The following MED13 variants were observed in gnomAD, a reference collection of about 807,000 sequenced individuals.
MED13 encodes mediator complex subunit 13, also known as mediator of RNA polymerase II transcription subunit 13.
MED13 carries 23 observed loss-of-function variants against 225.2 expected under a neutral mutation model. That is an observed-to-expected ratio of 0.10 (90% CI 0.07 to 0.14). The LOEUF (loss-of-function observed/expected upper bound fraction) is 0.14. Ranked by LOEUF, MED13 falls within the 10% of genes least tolerant of loss-of-function variation. The pLI, the probability that MED13 is intolerant of heterozygous loss-of-function variation, is 1.00. For synonymous variants in MED13, 942 were observed against 889.2 expected (o/e 1.06, Z -1.06); for missense variants, 2,197 against 2,594.5 (o/e 0.85, Z 3.33).
intron 8 of MED13, among the ~76,000 whole-genome samples, chr17:62,013,119 T>C (rs188594761): frequency 1.3e-5 from 2 of 151,938 alleles, no homozygotes; most frequent in East Asian, 3.9e-4. Flanking sequence ...GAGCCTGAGA[T>C]ATCTTATTGT....
rs778209278 is a variant in MED13 at position 61,965,394 on chromosome 17, A to T, written c.4456T>A (p.Ser1486Thr). The T allele has an allele frequency of 3.1e-6, 5 of 1,614,056 alleles. No individual in the cohort carries two copies. Among genetic ancestry groups the T allele is most frequent in the African/African-American group, 2.7e-5 (2 of 74,930 alleles). ...QPNLVAPTSQ[S>T]LITPPQMTNT... Reference sequence around the variant, plus strand: ...GTCATCTGAGGTGGAGTAATCAAAGACTGACTTGTAGGGGCAACTAAATTT... The same window carrying T: ...GTCATCTGAGGTGGAGTAATCAAAGTCTGACTTGTAGGGGCAACTAAATTT... The change falls in exon 20 of 30, where the codon TCT becomes ACT. Residue 1486 changes from serine to threonine, a missense_variant. Ser to Thr is a moderately conservative substitution (Grantham distance 58, BLOSUM62 1). Around this residue, in one of 12 missense-constraint regions of MED13, gnomAD observed 457 missense variants for 442.2 expected, o/e 1.03. Transcript: ENST00000397786.
chr17:62,037,603 G>T (rs2080815178), intron 3 of MED13, among the ~76,000 whole-genome samples: 1 of 148,454 alleles, frequency 6.7e-6, no homozygotes, highest in Non-Finnish European at 1.5e-5. Context: ...GGAGACGCAG[G>T]TTGCAGTGAG....
intron 16 of MED13, among the ~76,000 whole-genome samples, chr17:61,980,160 G>A (rs1027539772): frequency 9.9e-5 from 15 of 152,140 alleles, no homozygotes; most frequent in African/African-American, 3.4e-4. Flanking sequence ...CTGCACTCCA[G>A]CCTGGTGACA....
intron 2 of MED13, among the ~76,000 whole-genome samples, chr17:62,062,529 A>G (rs1270796064): frequency 6.6e-6 from 1 of 152,124 alleles, no homozygotes; most frequent in Non-Finnish European, 1.5e-5. Flanking sequence ...ATATGCCTTC[A>G]TAAGTTAATC....
intron 27 of MED13, among the ~76,000 whole-genome samples, chr17:61,951,725 A>G (rs970239496): frequency 1.3e-5 from 2 of 152,146 alleles, no homozygotes; most frequent in Admixed American, 1.3e-4. Flanking sequence ...TGGTTTTATT[A>G]AGGTGGTGGG....
chr17:62,018,461 T>C (rs550052207), intron 8 of MED13, among the ~76,000 whole-genome samples: 1 of 152,156 alleles, frequency 6.6e-6, no homozygotes, highest in South Asian at 2.1e-4. Flanking sequence ...CCCCAACACT[T>C]TGGGAGGCTG....
chr17:62,053,750 T>G (rs913462753), intron 2 of MED13, among the ~76,000 whole-genome samples: 1 of 152,154 alleles, frequency 6.6e-6, no homozygotes, highest in African/African-American at 2.4e-5. Context: ...ACACCAAAAA[T>G]GCATACACTA....
chr17:61,987,993 T>C (rs2080263197), intron 11 of MED13, among the ~76,000 whole-genome samples: 1 of 151,972 alleles, frequency 6.6e-6, no homozygotes, highest in Non-Finnish European at 1.5e-5. Context: ...TCTGCCCACC[T>C]CTGTTTCTGA....
intron 3 of MED13, among the ~76,000 whole-genome samples, chr17:62,050,775 G>A (rs374946830): frequency 5.9e-5 from 9 of 152,240 alleles, no homozygotes; most frequent in Admixed American, 2.0e-4. Flanking sequence ...AGGCCGAGGC[G>A]GGTGGATTGC....
At chr17:61,958,710 T>G (rs1247706760) in intron 23 of MED13, among the ~76,000 whole-genome samples, 1 of 152,098 alleles carries the variant, frequency 6.6e-6, no homozygotes, top group East Asian at 1.9e-4. Flanking sequence ...TGACCTCAGG[T>G]GATCCGCCCA....
Position 61,955,430 on chromosome 17 carries a change from C to A in MED13, c.5920G>T (p.Ala1974Ser), listed in dbSNP as rs775372760. ...TCCAAATTTTCAGTGGTATAAGTAG[C>A]TGAAGCTACTTGCACAGAAGCAGAA... is the stretch of plus-strand genomic sequence containing the variant. ...PTSASVQVAS[A>S]TYTTENLDLA... Residue 1974 changes from alanine (A) to serine (S), a missense_variant, in exon 26 of 30, where the codon GCT becomes TCT. Coordinates refer to ENST00000397786, the MANE Select transcript of MED13 (RefSeq NM_005121.3). 11 of 1,587,440 alleles carry A rather than the reference C, an allele frequency of 6.9e-6. No homozygotes were observed. In the Admixed American group the frequency reaches 2.1e-4, roughly 30 times the overall value.
At chr17:62,011,571 AG>A (rs1333794466) in intron 8 of MED13, among the ~76,000 whole-genome samples, 3 of 152,214 alleles carry the variant, frequency 2.0e-5, no homozygotes, top group Admixed American at 2.0e-4. Context: ...AGGTATAACA[AG>A]GCTTGAAATT....
At chr17:61,983,324 C>G (rs923723650) in intron 15 of MED13, among the ~76,000 whole-genome samples, 1 of 152,114 alleles carries the variant, frequency 6.6e-6, no homozygotes, top group Non-Finnish European at 1.5e-5. Flanking sequence ...GATCAATTAA[C>G]AAGTTCAAAA....
At position 61,968,176 on chromosome 17, in the gene MED13, A is replaced by G; in HGVS notation, c.4050T>C (p.Phe1350=). 6.2e-7 allele frequency: 1 copy of G among 1,614,084 alleles called. No homozygotes were observed. Among genetic ancestry groups the G allele is most frequent in the Non-Finnish European group, 8.5e-7 (1 of 1,179,924 alleles). ...TAAGTCTCTCCCAATAAGGAAGAGC[A>G]AATGGAGAAAGCACCAGATAATCAT... is the stretch of plus-strand genomic sequence containing the variant. ...YDYDYLVLSP[F]ALPYWERLML... is the part of the protein sequence containing the mutation. The change falls in exon 18 of 30, where the codon TTT becomes TTC. Residue 1350 remains phenylalanine (F), a synonymous_variant. Coordinates refer to ENST00000397786, the MANE Select transcript of MED13 (RefSeq NM_005121.3).
intron 5 of MED13, among the ~76,000 whole-genome samples, chr17:62,033,412 C>T (rs1046984490): frequency 2.0e-5 from 3 of 152,132 alleles, no homozygotes; most frequent in Admixed American, 2.0e-4. Context: ...ATTTCCCTGC[C>T]CCAATGACTT....
At position 62,035,121 on chromosome 17, in the gene MED13, AAAAAAC is replaced by A. The variant is rs555778685; in HGVS notation, c.616+336_616+341del. Among the ~76,000 whole-genome samples, 116 of 152,254 alleles carry A rather than the reference AAAAAAC, an allele frequency of 7.6e-4. 2 individuals carry two copies. In the South Asian group the frequency reaches 0.022, roughly 29 times the overall value. On this transcript the variant is annotated intron_variant, in intron 4 of 29. Transcript: ENST00000397786. ...GGGCGACAGAGCGAAACTCCGTCTC[AAAAAAC>A]AAAAACAAAAACAAACAAACAAAAT...
chr17:61,974,966 A>C (rs368000010), intron 16 of MED13, among the ~76,000 whole-genome samples: 3 of 152,168 alleles, frequency 2.0e-5, no homozygotes, highest in African/African-American at 7.2e-5. Flanking sequence ...TACCATCAAG[A>C]AAGTAAAAAG....
At chr17:62,048,043 C>CATATACATATACATATACATATACAT (rs776069700) in intron 3 of MED13, among the ~76,000 whole-genome samples, 18 of 131,166 alleles carry the variant, frequency 1.4e-4, no homozygotes, top group African/African-American at 4.2e-4. Flanking sequence ...TATACATATA[C>CATATACATATACATATACATATACAT]ATATATATAT....
chr17:61,976,540 T>C (rs1306845665), intron 16 of MED13, among the ~76,000 whole-genome samples: 1 of 152,196 alleles, frequency 6.6e-6, no homozygotes, highest in Non-Finnish European at 1.5e-5. Flanking sequence ...AATGGGTGAA[T>C]TGTATGGTAT....
Sources: gnomAD v4.1 joint callset for allele counts (sites outside exome capture counted in the v4.1 genomes callset) on GRCh38, gnomAD v4.1.1 for gene constraint, gnomAD v4.1.1 regional missense constraint, MANE v1.5 for transcripts, NCBI Gene and HGNC (gene_info 2026-07-23, HGNC 2026-07-21) for gene names.